The following ADAMTS12 variants were observed in gnomAD, a reference collection of about 807,000 sequenced individuals.
ADAMTS12 encodes the protein A disintegrin and metalloproteinase with thrombospondin motifs 12.
ADAMTS12 carries 118 observed loss-of-function variants against 167.8 expected under a neutral mutation model. The observed-to-expected ratio is 0.70, with a 90% confidence interval of 0.61 to 0.82. The LOEUF (loss-of-function observed/expected upper bound fraction) is 0.82, where lower values mean the gene tolerates loss of function less well. ADAMTS12 is among the 40% of genes least tolerant of loss of function. The pLI, the probability that ADAMTS12 is intolerant of heterozygous loss-of-function variation, is 0.00. For missense variants in ADAMTS12, 1,916 were observed against 1,998.8 expected (o/e 0.96, Z 0.79); for synonymous variants, 704 against 716.9 (o/e 0.98, Z 0.29).
intron 3 of ADAMTS12, among the ~76,000 whole-genome samples, chr5:33,740,248 AATC>A (rs2112369717): frequency 6.6e-6 from 1 of 152,344 alleles, no homozygotes; most frequent in Non-Finnish European, 1.5e-5. Context: ...AATAATAAAT[AATC>A]ATTGCTTTTC....
rs544034393 is a variant in ADAMTS12 at position 33,606,617 on chromosome 5, C to T, written c.2527+7621G>A. 3.2e-4 allele frequency among the ~76,000 whole-genome samples: 49 copies of T among 152,318 alleles called. No individual in the cohort carries two copies. In the South Asian group the frequency reaches 0.01, roughly 32 times the overall value. On this transcript the variant is annotated intron_variant, in intron 16 of 23. Coordinates refer to ENST00000504830, the MANE Select transcript of ADAMTS12 (RefSeq NM_030955.4). ...ACAGAAGAATGAAGAAAAATCTCCC[C>T]CACCTAACCAAAGTAGGACTGACTA...
chr5:33,561,882 G>T (rs149673102), intron 19 of ADAMTS12, among the ~76,000 whole-genome samples: 4 of 152,186 alleles, frequency 2.6e-5, no homozygotes, highest in Non-Finnish European at 5.9e-5. Context: ...GTCAGGTCCA[G>T]GTGTCTGCCC....
chr5:33,745,018 A>G (rs144431517), intron 3 of ADAMTS12, among the ~76,000 whole-genome samples: 2 of 152,308 alleles, frequency 1.3e-5, no homozygotes, highest in East Asian at 3.9e-4. Flanking sequence ...ATGTCTTGCT[A>G]TGTAGCCCAG....
intron 5 of ADAMTS12, among the ~76,000 whole-genome samples, chr5:33,681,538 G>A (rs1369759947): frequency 1.3e-5 from 2 of 152,122 alleles, no homozygotes; most frequent in Non-Finnish European, 1.5e-5. Flanking sequence ...CATGGCTTCC[G>A]CCCTCATGGA....
chr5:33,734,115 G>A (rs1393254202), intron 3 of ADAMTS12, among the ~76,000 whole-genome samples: 1 of 151,996 alleles, frequency 6.6e-6, no homozygotes. Context: ...CAGCCCCCAA[G>A]CAGTGGCCAA....
intron 3 of ADAMTS12, among the ~76,000 whole-genome samples, chr5:33,695,198 G>A (rs961833812): frequency 1.3e-5 from 2 of 152,176 alleles, no homozygotes; most frequent in Non-Finnish European, 2.9e-5. Flanking sequence ...TTTCAGTTAA[G>A]GTTTATTTAA....
chr5:33,676,567 C>T (rs923694223), intron 5 of ADAMTS12, among the ~76,000 whole-genome samples: 2 of 151,674 alleles, frequency 1.3e-5, no homozygotes, highest in African/African-American at 4.8e-5. Context: ...GCCTGTATTC[C>T]TAGCTACTTG....
intron 3 of ADAMTS12, among the ~76,000 whole-genome samples, chr5:33,696,339 G>T (rs912621442): frequency 2.0e-5 from 3 of 150,026 alleles, no homozygotes; most frequent in Admixed American, 6.7e-5. Flanking sequence ...GAGAATGGCG[G>T]GAACCCGGGA....
chr5:33,793,080 T>G (rs1036911042), intron 2 of ADAMTS12, among the ~76,000 whole-genome samples: 1 of 152,252 alleles, frequency 6.6e-6, no homozygotes, highest in African/African-American at 2.4e-5. Flanking sequence ...TCACTGGGGT[T>G]TCATCTGCCT....
intron 2 of ADAMTS12, among the ~76,000 whole-genome samples, chr5:33,860,479 G>T (rs1434513249): frequency 6.6e-6 from 1 of 152,096 alleles, no homozygotes; most frequent in African/African-American, 2.4e-5. Context: ...GAATGGAAAA[G>T]AATGAACAAA....
chr5:33,790,073 C>G (rs1356042081), intron 2 of ADAMTS12, among the ~76,000 whole-genome samples: 1 of 152,126 alleles, frequency 6.6e-6, no homozygotes, highest in African/African-American at 2.4e-5. Context: ...AATAGATTAT[C>G]AAATTTTGTA....
At chr5:33,784,889 A>T (rs1746273486) in intron 2 of ADAMTS12, among the ~76,000 whole-genome samples, 1 of 152,126 alleles carries the variant, frequency 6.6e-6, no homozygotes, top group Admixed American at 6.5e-5. Context: ...AAAGAAAAAC[A>T]AAAGTTGCTG....
At chr5:33,766,464 G>A (rs1024718667) in intron 2 of ADAMTS12, among the ~76,000 whole-genome samples, 2 of 152,160 alleles carry the variant, frequency 1.3e-5, no homozygotes, top group Non-Finnish European at 2.9e-5. Context: ...AGAAAAAAAT[G>A]ACAATAGGGG....
At chr5:33,603,126 G>A (rs1559264) in intron 16 of ADAMTS12, among the ~76,000 whole-genome samples, 84,329 of 151,954 alleles carry the variant, frequency 0.55, 23,485 homozygotes, top group Middle Eastern at 0.63. Context: ...CAAAGGTCAC[G>A]TTCAGAAGTG....
chr5:33,667,206 T>A (rs1741504085), intron 5 of ADAMTS12, among the ~76,000 whole-genome samples: 1 of 150,508 alleles, frequency 6.6e-6, no homozygotes, highest in African/African-American at 2.5e-5. Context: ...TAATCCCAGC[T>A]ACTTGGGAGG....
At chr5:33,666,365 C>T (rs1348153840) in intron 5 of ADAMTS12, among the ~76,000 whole-genome samples, 2 of 152,216 alleles carry the variant, frequency 1.3e-5, no homozygotes, top group Admixed American at 6.5e-5. Flanking sequence ...CCTCAACCCC[C>T]GTATGGCCTG....
At chr5:33,853,682 T>C (rs1175477566) in intron 2 of ADAMTS12, among the ~76,000 whole-genome samples, 1 of 152,228 alleles carries the variant, frequency 6.6e-6, no homozygotes, top group Non-Finnish European at 1.5e-5. Flanking sequence ...TAAGCATCAT[T>C]AGGCTTTCGA....
At chr5:33,872,856 T>A (rs1049334789) in intron 2 of ADAMTS12, among the ~76,000 whole-genome samples, 2 of 152,170 alleles carry the variant, frequency 1.3e-5, no homozygotes, top group African/African-American at 4.8e-5. Context: ...TACATGATCA[T>A]ACCTATAGAT....
At chr5:33,823,397 G>A (rs1747934905) in intron 2 of ADAMTS12, among the ~76,000 whole-genome samples, 1 of 152,144 alleles carries the variant, frequency 6.6e-6, no homozygotes, top group East Asian at 1.9e-4. Context: ...AACACCCTAG[G>A]CATATCTTTT....
Sources: allele counts gnomAD v4.1 joint callset (sites outside exome capture counted in the v4.1 genomes callset), GRCh38; gene constraint gnomAD v4.1.1; transcripts MANE v1.5; gene names NCBI Gene and HGNC (gene_info 2026-07-23, HGNC 2026-07-21).